TIAM1: variants seen among roughly 807,000 people sequenced by gnomAD.
TIAM1 encodes the protein rho guanine nucleotide exchange factor TIAM1.
Under a neutral mutation model 163.5 loss-of-function variants are expected in TIAM1, and 65 were observed. That is an observed-to-expected ratio of 0.40 (90% CI 0.33 to 0.49). The LOEUF is 0.49. Among genes scored for constraint, TIAM1 ranks in the 20% least tolerant of loss-of-function variants. The pLI, the probability that TIAM1 is intolerant of heterozygous loss-of-function variation, is 0.77. For missense variants in TIAM1, 1,789 were observed against 2,044.7 expected, an observed-to-expected ratio of 0.87 and a Z score of 2.41; for synonymous variants, 833 against 810.1, an observed-to-expected ratio of 1.03 and a Z score of -0.48.
At chr21:31,245,289 C>T (rs2071436927) in intron 6 of TIAM1, among the ~76,000 whole-genome samples, 199 bp downstream of exon 6, 1 of 150,588 alleles carries the variant, frequency 6.6e-6, no homozygotes, top group African/African-American at 2.5e-5. Flanking sequence ...CTGAATGTAC[C>T]TACTCCTGGA....
intron 1 of TIAM1, among the ~76,000 whole-genome samples, chr21:31,521,522 G>C (rs934199506): frequency 2.0e-5 from 3 of 152,116 alleles, no homozygotes; most frequent in Non-Finnish European, 2.9e-5. Flanking sequence ...GATCACATGA[G>C]GCTAGGAGTT....
intron 3 of TIAM1, among the ~76,000 whole-genome samples, chr21:31,274,824 T>A (rs1309949446): frequency 6.6e-6 from 1 of 152,150 alleles, no homozygotes; most frequent in Non-Finnish European, 1.5e-5. Context: ...AATATTAAGA[T>A]GTGGCTGGGG....
chr21:31,263,349 G>A (rs1232512125), intron 4 of TIAM1, among the ~76,000 whole-genome samples: 1 of 152,148 alleles, frequency 6.6e-6, no homozygotes, highest in African/African-American at 2.4e-5. Context: ...CACATGCCAG[G>A]ATGCAAATGC....
intron 2 of TIAM1, among the ~76,000 whole-genome samples, chr21:31,289,952 A>G (rs1441999292): frequency 2.0e-5 from 3 of 152,130 alleles, no homozygotes; most frequent in Admixed American, 2.0e-4. Context: ...CTACGAATCA[A>G]TGAGTATACT....
chr21:31,137,694 G>A (rs1466717977), intron 22 of TIAM1, among the ~76,000 whole-genome samples: 2 of 151,492 alleles, frequency 1.3e-5, no homozygotes, highest in African/African-American at 2.4e-5. Context: ...ACACATCGCC[G>A]CCCGGATGAC....
chr21:31,532,372 G>A (rs1424936161), intron 1 of TIAM1, among the ~76,000 whole-genome samples: 1 of 152,124 alleles, frequency 6.6e-6, no homozygotes. Flanking sequence ...TTGATAGGCT[G>A]AGCCTCCCCC....
At chr21:31,458,552 C>A (rs1275767333) in intron 2 of TIAM1, among the ~76,000 whole-genome samples, 1 of 152,190 alleles carries the variant, frequency 6.6e-6, no homozygotes, top group Non-Finnish European at 1.5e-5. Flanking sequence ...ACTGTACTTA[C>A]CAGACACTGT....
chr21:31,445,635 G>T (rs2044594515), intron 2 of TIAM1, among the ~76,000 whole-genome samples: 1 of 152,168 alleles, frequency 6.6e-6, no homozygotes, highest in African/African-American at 2.4e-5. Flanking sequence ...CACTCAAACT[G>T]CAGGCAGTAT....
At chr21:31,373,417 A>T (rs530168286) in intron 2 of TIAM1, among the ~76,000 whole-genome samples, 1 of 152,222 alleles carries the variant, frequency 6.6e-6, no homozygotes, top group East Asian at 1.9e-4. Context: ...CCTCAGAATC[A>T]TGGCAGGAAG....
At chr21:31,229,265 G>A (rs1485185800) in intron 6 of TIAM1, among the ~76,000 whole-genome samples, 1 of 152,060 alleles carries the variant, frequency 6.6e-6, no homozygotes. Flanking sequence ...ATGGTGCTGG[G>A]TGCTGGTGTA....
chr21:31,169,912 A>G (rs528157122), intron 15 of TIAM1, among the ~76,000 whole-genome samples: 114 of 152,316 alleles, frequency 7.5e-4, no homozygotes, highest in South Asian at 1.4e-3. Flanking sequence ...AAGATCAAAC[A>G]CTAAAAGAAC....
intron 1 of TIAM1, among the ~76,000 whole-genome samples, chr21:31,513,011 C>G (rs888933855): frequency 1.6e-4 from 24 of 152,236 alleles, no homozygotes; most frequent in Middle Eastern, 3.4e-3. Context: ...AGACTGGACA[C>G]TAAAGACTAT....
chr21:31,386,954 C>G (rs935679056), intron 2 of TIAM1, among the ~76,000 whole-genome samples: 3 of 152,162 alleles, frequency 2.0e-5, no homozygotes, highest in Non-Finnish European at 4.4e-5. Context: ...TGAGCTTTAT[C>G]TGCTCCGGCA....
chr21:31,210,020 G>C (rs768650969), intron 11 of TIAM1, 25 bp downstream of exon 11: 116 of 1,602,018 alleles, frequency 7.2e-5, no homozygotes, highest in Non-Finnish European at 9.6e-5. Context: ...TCTTCTTGGA[G>C]AAACAACCCA....
chr21:31,482,314 G>T (rs2046139753), intron 1 of TIAM1, among the ~76,000 whole-genome samples: 1 of 151,898 alleles, frequency 6.6e-6, no homozygotes, highest in African/African-American at 2.4e-5. Context: ...ACCATGCCCG[G>T]CTAATTTTTG....
rs66591105 is a variant in TIAM1, at chr21:31,493,925, T to TA, written c.-421-29891dup. ...GCAGGAATTAGATCTATTTCTTTTT[T>TA]AAAAAAAAAGACAGAGTGTCACTCT... On this transcript the variant is annotated intron_variant, in intron 1 of 28. Coordinates refer to the TIAM1 transcript ENST00000286827. Among the ~76,000 whole-genome samples, 460 of 151,152 alleles carry TA rather than the reference T, an allele frequency of 3.0e-3. 2 individuals are homozygous for TA. Among genetic ancestry groups the TA allele is most frequent in the African/African-American group, 9.5e-3 (391 of 41,186 alleles).
rs977631427 is a variant in TIAM1 at position 31,398,204 on chromosome 21, T to C, written c.-368-58782A>G. On this transcript the variant is annotated intron_variant, in intron 2 of 28. Coordinates refer to the TIAM1 transcript ENST00000286827. ...AAGCTTTGTTCTTTAGAACCAGAGTTGAAACTAGGTTGAAATGACCACATC... is the reference window on the plus strand; with the variant it reads ...AAGCTTTGTTCTTTAGAACCAGAGTCGAAACTAGGTTGAAATGACCACATC... 2.0e-5 allele frequency among the ~76,000 whole-genome samples: 3 copies of C among 150,308 alleles called. No individual in the cohort carries two copies. In the South Asian group the frequency reaches 6.3e-4, roughly 32 times the overall value.
chr21:31,369,225 C>CAA (rs67890846), intron 2 of TIAM1, among the ~76,000 whole-genome samples: 17 of 121,100 alleles, frequency 1.4e-4, no homozygotes, highest in African/African-American at 4.7e-4. Flanking sequence ...GAATCCATCT[C>CAA]AAAAAAAAAG....
At chr21:31,369,333 C>G (rs2076556384) in intron 2 of TIAM1, among the ~76,000 whole-genome samples, 2 of 152,066 alleles carry the variant, frequency 1.3e-5, no homozygotes, top group African/African-American at 4.8e-5. Context: ...GTCTGTGTGC[C>G]CTTCAGATTC....
Sources: allele counts gnomAD v4.1 joint callset (sites outside exome capture counted in the v4.1 genomes callset), GRCh38; gene constraint gnomAD v4.1.1; transcripts MANE v1.5; gene names NCBI Gene and HGNC (gene_info 2026-07-23, HGNC 2026-07-21).